Variants in BICRA observed in about 807,000 individuals in gnomAD.
BICRA encodes the protein BRD4-interacting chromatin-remodeling complex-associated protein.
Under a neutral mutation model 96.9 loss-of-function variants are expected in BICRA, and 31 were observed. The ratio of observed to expected loss-of-function variants is 0.32; its 90% CI spans 0.24 to 0.43. The LOEUF is 0.43. Ranked by LOEUF, BICRA falls within the 20% of genes least tolerant of loss-of-function variation. The probability of loss-of-function intolerance (pLI) is 1.00; values close to 1 mark genes in which losing one functional copy is unlikely to be tolerated. For missense variants in BICRA, 2,283 were observed against 2,190.3 expected, an observed-to-expected ratio of 1.04 and a Z score of -0.84; for synonymous variants, 1,350 against 1,071.8, an observed-to-expected ratio of 1.26 and a Z score of -5.07.
At position 47,695,452 on chromosome 19, in the gene BICRA, C is replaced by T. The variant is rs756552007; in HGVS notation, c.3164C>T (p.Pro1055Leu). Reference protein sequence around the residue: ...LNVAKAASSGPGKPSGLQYES... With the variant: ...LNVAKAASSGLGKPSGLQYES... Reference sequence around the variant, plus strand: ...GTGGCCAAGGCCGCTTCCTCCGGGCCAGGGAAGCCCTCCGGGCTGCAGGTA... The same window carrying T: ...GTGGCCAAGGCCGCTTCCTCCGGGCTAGGGAAGCCCTCCGGGCTGCAGGTA... The change falls in exon 10 of 15, where the codon CCA becomes CTA. Residue 1055 changes from proline (P) to leucine (L), a missense_variant. Transcript: ENST00000594866. 5 of 1,579,950 alleles carry T rather than the reference C, an allele frequency of 3.2e-6. No individual in the cohort carries two copies. In the East Asian group the frequency reaches 1.1e-4, roughly 36 times the overall value.
intron 1 of BICRA, among the ~76,000 whole-genome samples, chr19:47,633,198 A>C (rs890873174): frequency 6.8e-6 from 1 of 147,836 alleles, no homozygotes; most frequent in Non-Finnish European, 1.5e-5. Context: ...TTCCTGCCTC[A>C]GCCTCCAAGT....
chr19:47,641,710 G>A (rs954388296), intron 1 of BICRA, among the ~76,000 whole-genome samples: 1 of 152,120 alleles, frequency 6.6e-6, no homozygotes, highest in Non-Finnish European at 1.5e-5. Flanking sequence ...GGAATTTTAG[G>A]ATTTTTTTCT....
intron 1 of BICRA, among the ~76,000 whole-genome samples, chr19:47,611,046 C>A (rs915041280): frequency 6.6e-6 from 1 of 152,136 alleles, no homozygotes; most frequent in African/African-American, 2.4e-5. Flanking sequence ...ACAGACATTC[C>A]CGTTTTCCAG....
At position 47,702,032 on chromosome 19, in the gene BICRA, G is replaced by A. The variant is rs1354658643; in HGVS notation, c.4300G>A (p.Ala1434Thr). The change falls in exon 15 of 15, where the codon GCC becomes ACC. Residue 1434 changes from alanine (A) to threonine (T), a missense_variant. By Grantham distance (58) the Ala-to-Thr change is moderately conservative. Transcript: ENST00000594866. ...CAGCGGGCTCATCCGCGAGCTGGCG[G>A]CCGTGGAGGACGAGCTGTACCAGCG... Reference protein sequence around the residue: ...ATSGLIRELAAVEDELYQRML... With the variant: ...ATSGLIRELATVEDELYQRML... 2 of 1,491,362 alleles carry A rather than the reference G, an allele frequency of 1.3e-6. No individual in the cohort carries two copies. The highest frequency in any genetic ancestry group is 2.8e-5 in the East Asian group (1 of 36,006). The allele number at this position is 1,491,362 out of a possible 1,614,324, so 92.4% of individuals were successfully genotyped here. A position where few individuals can be genotyped will look rare whatever the true frequency, so the allele number is the denominator to read the frequency against.
At chr19:47,697,233 C>T (rs922117740) in intron 11 of BICRA, among the ~76,000 whole-genome samples, 3 of 152,164 alleles carry the variant, frequency 2.0e-5, no homozygotes, top group South Asian at 4.2e-4. Context: ...ATCCACCTGC[C>T]TCGGCCTCCC....
chr19:47,640,170 TAATTTACTGAGCTC>T (rs1334381691), intron 1 of BICRA, among the ~76,000 whole-genome samples: 1 of 152,208 alleles, frequency 6.6e-6, no homozygotes, highest in Non-Finnish European at 1.5e-5. Context: ...TATTTGACAG[TAATTTACTGAGCTC>T]CTATTGTATT....
At position 47,679,798 on chromosome 19, in the gene BICRA, C is replaced by A. The variant is rs769572449; in HGVS notation, c.628C>A (p.Pro210Thr). 4.7e-6 allele frequency: 7 copies of A among 1,490,620 alleles called. No homozygotes were observed. The highest frequency in any genetic ancestry group is 1.3e-5 in the South Asian group (1 of 75,974). 92.3% of individuals were successfully genotyped at this position (1,490,620 alleles called of 1,614,324 possible). The change falls in exon 6 of 15, where the codon CCC becomes ACC. Residue 210 changes from proline (P) to threonine (T), a missense_variant. Coordinates refer to ENST00000594866, the MANE Select transcript of BICRA (RefSeq NM_001394372.1). ...PVGLGNVTLQPIPGLQGLPNG... is the reference protein window; with the variant it reads ...PVGLGNVTLQTIPGLQGLPNG... ...GGGCCTGGGCAATGTGACACTGCAG[C>A]CCATCCCGGGCCTCCAAGGCCTGCC...
In BICRA at chr19:47,694,296, GCCCCCCA is replaced by G; in HGVS notation, c.2470_2476del (p.Pro824ArgfsTer16). 1.6e-6 allele frequency: 1 copy of G among 628,912 alleles called. No individual in the cohort carries two copies. Among genetic ancestry groups the G allele is most frequent in the Non-Finnish European group, 2.5e-6 (1 of 407,380 alleles). 39.0% of individuals were successfully genotyped at this position (628,912 alleles called of 1,614,324 possible). On this transcript the variant is annotated frameshift_variant, in exon 8 of 15. Coordinates refer to ENST00000594866, the MANE Select transcript of BICRA (RefSeq NM_001394372.1). LOFTEE classifies it high-confidence loss of function. The stretch of plus-strand genomic sequence containing the variant: ...CCCTCAGAGCCACCCTTGCACCCTT[GCCCCCCA>G]CCCCAGGCCCCCCCAACTCTGCCTG...
intron 7 of BICRA, among the ~76,000 whole-genome samples, chr19:47,688,609 T>C (rs1973193703): frequency 6.6e-6 from 1 of 151,656 alleles, no homozygotes; most frequent in Admixed American, 6.6e-5. Context: ...GCCAACATGG[T>C]GAAACCCCGT....
intron 1 of BICRA, among the ~76,000 whole-genome samples, chr19:47,633,619 A>G (rs1333413083): frequency 1.3e-5 from 2 of 152,168 alleles, no homozygotes; most frequent in South Asian, 2.1e-4. Flanking sequence ...AATAGAGTAG[A>G]GATGGGAAGC....
At chr19:47,641,134 A>T (rs1342983792) in intron 1 of BICRA, among the ~76,000 whole-genome samples, 1 of 135,004 alleles carries the variant, frequency 7.4e-6, no homozygotes, top group Non-Finnish European at 1.5e-5. Flanking sequence ...GTTAGCCAGG[A>T]TGGTCTCGGT....
Position 47,680,507 on chromosome 19 carries a change from C to T in BICRA, c.1337C>T (p.Pro446Leu). 1 of 1,543,398 alleles carries T rather than the reference C, an allele frequency of 6.5e-7. No individual in the cohort carries two copies. Among genetic ancestry groups the T allele is most frequent in the Non-Finnish European group, 8.7e-7 (1 of 1,144,854 alleles). Residue 446 changes from proline (P) to leucine (L), a missense_variant, in exon 6 of 15, where the codon CCC (proline) becomes CTC (leucine). Physicochemically the swap from Pro to Leu is moderately conservative, Grantham distance 98 (BLOSUM62 -3). Coordinates refer to ENST00000594866, the MANE Select transcript of BICRA (RefSeq NM_001394372.1). ...PPQPPGALSK[P>L]MSVHLLNQGS... ...CAGCCCCCCGGGGCCCTGAGCAAAC[C>T]CATGAGCGTCCACCTCCTGAACCAA...
Position 47,680,893 on chromosome 19 carries a change from G to T in BICRA, c.1723G>T (p.Ala575Ser). Residue 575 changes from alanine (A) to serine (S), a missense_variant, in exon 6 of 15, where the codon GCC (alanine) becomes TCC (serine). By Grantham distance (99) the Ala-to-Ser change is moderately conservative. Coordinates refer to ENST00000594866, the MANE Select transcript of BICRA (RefSeq NM_001394372.1). ...GCCCACGCAGAGCCAGCCAGCGCCC[G>T]CCGGGCCGGCCGCCACCACTGTCCT... Reference protein sequence around the residue: ...SLPTQSQPAPAGPAATTVLQG... With the variant: ...SLPTQSQPAPSGPAATTVLQG... 5 of 1,483,570 alleles carry T rather than the reference G, an allele frequency of 3.4e-6. No homozygotes were observed. Among genetic ancestry groups the T allele is most frequent in the Non-Finnish European group, 4.4e-6 (5 of 1,129,400 alleles). 91.9% of individuals were successfully genotyped at this position (1,483,570 alleles called of 1,614,324 possible).
rs370093984 is a variant in BICRA, at chr19:47,703,114, C to G, written c.*699C>G. On this transcript the variant is annotated 3_prime_UTR_variant, in exon 15 of 15. Coordinates refer to ENST00000594866, the MANE Select transcript of BICRA (RefSeq NM_001394372.1). The stretch of plus-strand genomic sequence containing the variant: ...CTAGTCTTCCCTCTGTTCTTCCTGC[C>G]TCCAGCCGCCCGCGCCAGATTTTGA... 5 of 152,610 alleles carry G rather than the reference C, an allele frequency of 3.3e-5. No individual in the cohort carries two copies. Among genetic ancestry groups the G allele is most frequent in the African/African-American group, 1.2e-4 (5 of 41,422 alleles). 9.5% of individuals were successfully genotyped at this position (152,610 alleles called of 1,614,324 possible).
chr19:47,695,501 G>A, intron 10 of BICRA, 27 bp downstream of exon 10: 7 of 1,101,364 alleles, frequency 6.4e-6, no homozygotes, highest in Non-Finnish European at 8.2e-6. Context: ...GCAGGGGTCA[G>A]GACAGGACCA....
chr19:47,620,196 A>C (rs1186120632), intron 1 of BICRA, among the ~76,000 whole-genome samples: 1 of 152,150 alleles, frequency 6.6e-6, no homozygotes, highest in Non-Finnish European at 1.5e-5. Context: ...ATGAGGCTCC[A>C]AACTGCAGAA....
chr19:47,616,948 C>A (rs747488854), intron 1 of BICRA, among the ~76,000 whole-genome samples: 22 of 151,406 alleles, frequency 1.5e-4, no homozygotes, highest in Non-Finnish European at 2.9e-4. Context: ...TATGTCTCAG[C>A]CTCCCGAGTA....
At chr19:47,641,921 C>T (rs1972390729) in intron 1 of BICRA, among the ~76,000 whole-genome samples, 1 of 152,124 alleles carries the variant, frequency 6.6e-6, no homozygotes, top group South Asian at 2.1e-4. Flanking sequence ...TCTTTCACTT[C>T]CTTGGTTAAA....
chr19:47,681,128 C>T lies in BICRA; in HGVS notation c.1958C>T (p.Pro653Leu). The T allele has an allele frequency of 6.7e-7, 1 of 1,502,064 alleles. No individual in the cohort carries two copies. The highest frequency in any genetic ancestry group is 8.9e-7 in the Non-Finnish European group (1 of 1,121,856). The allele number at this position is 1,502,064 out of a possible 1,614,324, so 93.0% of individuals were successfully genotyped here. A position where few individuals can be genotyped will look rare whatever the true frequency, so the allele number is the denominator to read the frequency against. Residue 653 changes from proline to leucine, a missense_variant, in exon 6 of 15, where the codon CCA becomes CTA. Coordinates refer to ENST00000594866, the MANE Select transcript of BICRA (RefSeq NM_001394372.1). ...QAQQPPQAPT[P>L]QAAAPPQATT... The stretch of plus-strand genomic sequence containing the variant: ...CAGCAGCCCCCGCAGGCCCCCACCC[C>T]ACAGGCCGCCGCCCCGCCTCAGGCC...
Sources: gnomAD v4.1 joint callset for allele counts (sites outside exome capture counted in the v4.1 genomes callset) on GRCh38, gnomAD v4.1.1 for gene constraint, MANE v1.5 for transcripts, NCBI Gene and HGNC (gene_info 2026-07-23, HGNC 2026-07-21) for gene names.